The following SLC44A5 variants were observed in gnomAD, a reference collection of about 807,000 sequenced individuals.
The protein encoded by SLC44A5 is choline transporter-like protein 5.
SLC44A5 carries 57 observed loss-of-function variants against 101.8 expected under a neutral mutation model. The ratio of observed to expected loss-of-function variants is 0.56; its 90% CI spans 0.45 to 0.70. The LOEUF (loss-of-function observed/expected upper bound fraction) is 0.70. Ranked by LOEUF, SLC44A5 falls within the 30% of genes least tolerant of loss-of-function variation. The probability of loss-of-function intolerance (pLI) is 0.00; values close to 1 mark genes in which losing one functional copy is unlikely to be tolerated. For missense variants in SLC44A5, 737 were observed against 853.1 expected, an observed-to-expected ratio of 0.86 and a Z score of 1.70; for synonymous variants, 281 against 290.9, an observed-to-expected ratio of 0.97 and a Z score of 0.35.
chr1:75,697,710 C>T, the SLC44A5 span, among the ~76,000 whole-genome samples: 3 of 152,174 alleles, frequency 2.0e-5, no homozygotes, highest in East Asian at 1.9e-4. Context: ...ACGCAGAAGA[C>T]GGGCGATTTC....
the SLC44A5 span, among the ~76,000 whole-genome samples, chr1:75,668,361 T>C: frequency 7.8e-6 from 1 of 128,262 alleles, no homozygotes; most frequent in African/African-American, 3.1e-5. Context: ...GATCTCACTG[T>C]CACCCAGGCT....
the SLC44A5 span, among the ~76,000 whole-genome samples, chr1:75,718,295 A>C: frequency 6.6e-6 from 1 of 152,162 alleles, no homozygotes; most frequent in Admixed American, 6.5e-5. Flanking sequence ...CAGAGGGTAG[A>C]GTAGAAGATG....
chr1:75,210,523 T>C (rs1646833067), intron 23 of SLC44A5, among the ~76,000 whole-genome samples: 1 of 152,194 alleles, frequency 6.6e-6, no homozygotes, highest in Non-Finnish European at 1.5e-5. Flanking sequence ...TATCCATTTG[T>C]CATTGTGATG....
At chr1:75,510,876 C>T (rs1669529689) in intron 2 of SLC44A5, among the ~76,000 whole-genome samples, 1 of 152,214 alleles carries the variant, frequency 6.6e-6, no homozygotes, top group Non-Finnish European at 1.5e-5. Flanking sequence ...GGCGCTGTGG[C>T]TCACGCCTGT....
At chr1:75,330,317 CCACCACTGCCACCCCACCAT>C (rs1656953718) in intron 4 of SLC44A5, among the ~76,000 whole-genome samples, 1 of 151,952 alleles carries the variant, frequency 6.6e-6, no homozygotes, top group Admixed American at 6.6e-5. Context: ...CCTTCCACCA[CCACCACTGCCACCCCACCAT>C]CACCACTGCC....
intron 2 of SLC44A5, among the ~76,000 whole-genome samples, chr1:75,495,014 A>T (rs1031591506): frequency 3.9e-5 from 6 of 152,208 alleles, no homozygotes; most frequent in African/African-American, 1.4e-4. Context: ...GGCACCCAGA[A>T]TCTCTGAAGA....
intron 5 of SLC44A5, among the ~76,000 whole-genome samples, chr1:75,294,791 A>G (rs1190032493): frequency 6.6e-6 from 1 of 152,154 alleles, no homozygotes; most frequent in Non-Finnish European, 1.5e-5. Context: ...GAAGAAAAGT[A>G]TTGCGTGATC....
intron 2 of SLC44A5, 44 bp downstream of exon 2, chr1:75,541,391 C>CAA (rs754886929): frequency 6.4e-6 from 9 of 1,404,356 alleles, no homozygotes; most frequent in Non-Finnish European, 9.1e-6. Flanking sequence ...ATATTTGGCA[C>CAA]AAAAGTCCAG....
intron 1 of SLC44A5, among the ~76,000 whole-genome samples, chr1:75,559,873 A>G (rs886841302): frequency 3.3e-5 from 5 of 152,214 alleles, no homozygotes; most frequent in African/African-American, 4.8e-5. Flanking sequence ...AAACATGGGC[A>G]AAGGATTGGA....
At chr1:75,717,587 A>G in the SLC44A5 span, among the ~76,000 whole-genome samples, 3 of 152,186 alleles carry the variant, frequency 2.0e-5, no homozygotes, top group African/African-American at 7.2e-5. Flanking sequence ...ATAAACCTGC[A>G]CACGTACCTC....
chr1:75,344,952 C>T (rs564565506), intron 3 of SLC44A5, among the ~76,000 whole-genome samples: 5 of 151,966 alleles, frequency 3.3e-5, no homozygotes, highest in Admixed American at 1.3e-4. Flanking sequence ...TTTCTCTGTT[C>T]CTGTTACCTA....
At chr1:75,490,502 T>C (rs1050224033) in intron 2 of SLC44A5, among the ~76,000 whole-genome samples, 44 of 152,222 alleles carry the variant, frequency 2.9e-4, no homozygotes, top group African/African-American at 9.9e-4. Context: ...TTATAATTTA[T>C]GAAAAGAGCA....
intron 2 of SLC44A5, among the ~76,000 whole-genome samples, chr1:75,429,497 C>T (rs1664491004): frequency 6.6e-6 from 1 of 152,158 alleles, no homozygotes; most frequent in Admixed American, 6.5e-5. Context: ...CTGATCCATT[C>T]AAAGAATATT....
At chr1:75,683,570 A>C in the SLC44A5 span, among the ~76,000 whole-genome samples, 1 of 152,196 alleles carries the variant, frequency 6.6e-6, no homozygotes, top group East Asian at 1.9e-4. Context: ...ATCACATGGA[A>C]ACAGGAAGGG....
intron 2 of SLC44A5, among the ~76,000 whole-genome samples, chr1:75,413,318 A>G (rs981758110): frequency 6.6e-5 from 10 of 152,098 alleles, no homozygotes; most frequent in African/African-American, 2.4e-4. Context: ...CAAATACTTA[A>G]CATATCCATA....
At position 75,542,558 on chromosome 1, in the gene SLC44A5, G is replaced by A. The variant is rs558777943; in HGVS notation, c.-69-1042C>T. Among the ~76,000 whole-genome samples, 234 of 152,066 alleles carry A rather than the reference G, an allele frequency of 1.5e-3. 2 individuals are homozygous for A. The South Asian group carries it at 0.019, about 12-fold the overall frequency. On this transcript the variant is annotated intron_variant, in intron 1 of 23. Transcript: ENST00000370859. The stretch of plus-strand genomic sequence containing the variant: ...TCTACTAATTTTATGGGTCAAAAAG[G>A]TAGTCTCTCATTTTAAATTGCTTTT...
intron 3 of SLC44A5, among the ~76,000 whole-genome samples, chr1:75,364,074 AT>A (rs1452913669): frequency 1.3e-5 from 2 of 151,796 alleles, no homozygotes; most frequent in Non-Finnish European, 2.9e-5. Context: ...TATCTTTTGT[AT>A]TTTGCTGCTT....
chr1:75,481,003 A>G (rs1221479283), intron 2 of SLC44A5, among the ~76,000 whole-genome samples: 2 of 152,194 alleles, frequency 1.3e-5, no homozygotes, highest in Non-Finnish European at 2.9e-5. Flanking sequence ...ACTTCAAACT[A>G]TACTACAAGG....
At chr1:75,495,962 C>T (rs1419883831) in intron 2 of SLC44A5, among the ~76,000 whole-genome samples, 1 of 152,000 alleles carries the variant, frequency 6.6e-6, no homozygotes, top group East Asian at 1.9e-4. Flanking sequence ...TCAAATTACA[C>T]TCTTTTAGTT....
Sources: allele counts gnomAD v4.1 joint callset (sites outside exome capture counted in the v4.1 genomes callset), GRCh38; gene constraint gnomAD v4.1.1; transcripts MANE v1.5; gene names NCBI Gene and HGNC (gene_info 2026-07-23, HGNC 2026-07-21).